The following TSC2 variants were observed in gnomAD, a reference collection of about 807,000 sequenced individuals.
TSC2 encodes the protein TSC complex subunit 2, also known as tuberin.
Under a neutral mutation model 202.2 loss-of-function variants are expected in TSC2, and 29 were observed. That is an observed-to-expected ratio of 0.14 (90% CI 0.11 to 0.20). The LOEUF (loss-of-function observed/expected upper bound fraction) is 0.20, where lower values mean the gene tolerates loss of function less well. Among genes scored for constraint, TSC2 ranks in the 10% least tolerant of loss-of-function variants. TSC2 has a pLI of 1.00. For missense variants in TSC2, 2,429 were observed against 2,420.0 expected, an observed-to-expected ratio of 1.00 and a Z score of -0.08; for synonymous variants, 1,349 against 1,044.0, an observed-to-expected ratio of 1.29 and a Z score of -5.63.
At chr16:2,087,165 T>C in intron 38 of TSC2, 1 of 479,104 alleles carries the variant, frequency 2.1e-6, no homozygotes, top group Non-Finnish European at 3.9e-6. Context: ...GGCGCGGCCC[T>C]TGGGCCCCCA....
At chr16:2,049,726 TGA>T (rs1418808938) in intron 2 of TSC2, among the ~76,000 whole-genome samples, 2 of 151,352 alleles carry the variant, frequency 1.3e-5, no homozygotes, top group African/African-American at 4.8e-5. Flanking sequence ...CTCGGGGGGC[TGA>T]GACGAGAATT....
At chr16:2,084,190 C>G in intron 33 of TSC2, 38 bp from the exon 34 acceptor site, 1 of 1,554,790 alleles carries the variant, frequency 6.4e-7, no homozygotes, top group Non-Finnish European at 8.7e-7. Flanking sequence ...TCGAGGGTGC[C>G]TGCTGACAGG....
In TSC2 at chr16:2,061,803, G is replaced by A. The variant is rs975534121; in HGVS notation, c.1120-68G>A. The stretch of plus-strand genomic sequence containing the variant: ...TGTCTCCATGCGGTGGGTGTGTAGC[G>A]AGGCCTCTGGTGCCAAGTCCATGTG... On this transcript the variant is annotated intron_variant, in intron 11 of 41. Coordinates refer to ENST00000219476, the MANE Select transcript of TSC2 (RefSeq NM_000548.5). 3.7e-5 allele frequency: 59 copies of A among 1,612,296 alleles called. No homozygotes were observed. In the South Asian group the frequency reaches 3.7e-4, roughly 10 times the overall value.
At position 2,072,748 on chromosome 16, in the gene TSC2, C is replaced by G. The variant is rs191384867; in HGVS notation, c.2221-101C>G. 1.9e-6 allele frequency: 3 copies of G among 1,593,572 alleles called. No homozygotes were observed. The Admixed American group carries it at 5.0e-5, about 27-fold the overall frequency. On this transcript the variant is annotated intron_variant, in intron 20 of 41. Coordinates refer to ENST00000219476, the MANE Select transcript of TSC2 (RefSeq NM_000548.5). Reference sequence around the variant, plus strand: ...CAAGAAGGCTCCCCAGCCCCTTTGCCCCCTTTCCTGGGCCTGCGTTCCCAG... The same window carrying G: ...CAAGAAGGCTCCCCAGCCCCTTTGCGCCCTTTCCTGGGCCTGCGTTCCCAG...
chr16:2,079,792 G>A lies in TSC2; in HGVS notation c.3397+123G>A, dbSNP rs1049061657. The A allele has an allele frequency of 1.1e-5, 11 of 960,282 alleles. No homozygotes were observed. Among genetic ancestry groups the A allele is most frequent in the African/African-American group, 9.8e-5 (6 of 60,980 alleles). The allele number at this position is 960,282 out of a possible 1,614,324, so 59.5% of individuals were successfully genotyped here. Reference sequence around the variant, plus strand: ...GTGGCTGGCTTCAGGCCCGGCCCACGTCCTGACTCTGGGGTGAGCCTTCCA... The same window carrying A: ...GTGGCTGGCTTCAGGCCCGGCCCACATCCTGACTCTGGGGTGAGCCTTCCA... On this transcript the variant is annotated intron_variant, in intron 29 of 41. Transcript: ENST00000219476. The surrounding 1 kb of genome is among the most constrained non-coding windows in gnomAD (Gnocchi z 4.6).
rs1166291219 is a variant in TSC2 at position 2,053,375 on chromosome 16, G to A, written c.259G>A (p.Asp87Asn). ...AVEALWKAVA[D>N]LLQPERPLEA... Reference sequence around the variant, plus strand: ...GGAAGCACTCTGGAAGGCGGTCGCGGATCTGTTGCAGCCGGAGCGGCCGCT... The same window carrying A: ...GGAAGCACTCTGGAAGGCGGTCGCGAATCTGTTGCAGCCGGAGCGGCCGCT... The change falls in exon 4 of 42, where the codon GAT becomes AAT. Residue 87 changes from aspartate to asparagine, a missense_variant. Coordinates refer to ENST00000219476, the MANE Select transcript of TSC2 (RefSeq NM_000548.5). 1 of 1,591,852 alleles carries A rather than the reference G, an allele frequency of 6.3e-7. No homozygotes were observed.
rs775534948 is a variant in TSC2 at position 2,088,222 on chromosome 16, C to A, written c.5161-5C>A. The A allele has an allele frequency of 3.7e-6, 6 of 1,613,046 alleles. No individual in the cohort carries two copies. In the African/African-American group the frequency reaches 8.0e-5, roughly 22 times the overall value. On this transcript the variant is annotated splice_region_variant and splice_polypyrimidine_tract_variant and intron_variant, in intron 40 of 41. Coordinates refer to ENST00000219476, the MANE Select transcript of TSC2 (RefSeq NM_000548.5). Reference sequence around the variant, plus strand: ...AGTGAGCTCACCCCCTGCCTACGTCCCCAGATGGCCTCACAGGTGCATCAT... The same window carrying A: ...AGTGAGCTCACCCCCTGCCTACGTCACCAGATGGCCTCACAGGTGCATCAT...
At chr16:2,086,143 A>G (rs772790897) in intron 36 of TSC2, 50 bp from the exon 37 acceptor site, 2 of 1,605,854 alleles carry the variant, frequency 1.2e-6, no homozygotes, top group Admixed American at 1.7e-5. Flanking sequence ...TCTGCGGGGC[A>G]GGGCCCGGCC....
intron 36 of TSC2, among the ~76,000 whole-genome samples, chr16:2,085,729 C>T (rs1017055288): frequency 1.3e-5 from 2 of 152,192 alleles, no homozygotes; most frequent in African/African-American, 2.4e-5. Context: ...TGGGCGAGCA[C>T]GGGAGCCGAC....
chr16:2,075,683 G>A (rs2089226031), intron 22 of TSC2, 116 bp from the exon 23 acceptor site: 24 of 1,100,804 alleles, frequency 2.2e-5, no homozygotes, highest in Admixed American at 3.9e-5. Context: ...CCGTGTGGCC[G>A]TGGCCTTCTC....
rs1408859550 is a variant in TSC2, at chr16:2,079,713, C to A, written c.3397+44C>A. 2 of 1,530,894 alleles carry A rather than the reference C, an allele frequency of 1.3e-6. No individual in the cohort carries two copies. Among genetic ancestry groups the A allele is most frequent in the Admixed American group, 2.0e-5 (1 of 51,006 alleles). 94.8% of individuals were successfully genotyped at this position (1,530,894 alleles called of 1,614,324 possible). On this transcript the variant is annotated intron_variant, in intron 29 of 41. Transcript: ENST00000219476. The surrounding 1 kb of genome is among the most constrained non-coding windows in gnomAD (Gnocchi z 4.6). ...CACCTCCACACAGGCACCGGGGCTC[C>A]CTCAGTTGCTGCTGGTCCCAGTGTT...
intron 10 of TSC2, 40 bp from the exon 11 acceptor site, chr16:2,060,630 G>C: frequency 6.2e-6 from 10 of 1,613,598 alleles, no homozygotes; most frequent in Non-Finnish European, 8.5e-6. Context: ...CAGCAAGCAA[G>C]CAGCTCTGAC....
chr16:2,075,931 GC>G (rs1418828156), intron 23 of TSC2, 39 bp downstream of exon 23: 3 of 1,612,604 alleles, frequency 1.9e-6, no homozygotes, highest in South Asian at 1.1e-5. Flanking sequence ...CCCAGCCGTG[GC>G]CCCCGCTAGG....
At chr16:2,080,043 C>A in intron 29 of TSC2, 122 bp from the exon 30 acceptor site, 4 of 1,353,546 alleles carry the variant, frequency 3.0e-6, no homozygotes, top group South Asian at 1.2e-5. Flanking sequence ...AAGGGCAGAG[C>A]TGCCACCGTC....
At chr16:2,071,467 T>G in intron 17 of TSC2, 43 bp from the exon 18 acceptor site, 1 of 1,609,864 alleles carries the variant, frequency 6.2e-7, no homozygotes, top group African/African-American at 1.3e-5. Flanking sequence ...GTCCTGGGCC[T>G]GCACGAGCTT....
chr16:2,064,140 C>G (rs1053779515), intron 14 of TSC2, 132 bp from the exon 15 acceptor site: 5 of 1,452,758 alleles, frequency 3.4e-6, no homozygotes, highest in African/African-American at 1.4e-5. Context: ...TGCTTGTGCT[C>G]TCTGCCCAGC....
At chr16:2,084,853 T>C in intron 34 of TSC2, 98 bp from the exon 35 acceptor site, 2 of 1,601,482 alleles carry the variant, frequency 1.2e-6, no homozygotes, top group African/African-American at 1.3e-5. Flanking sequence ...GGGAGGGCGG[T>C]GGAGTGGGAG....
At chr16:2,070,740 G>C (rs2088187127) in intron 17 of TSC2, among the ~76,000 whole-genome samples, 162 bp downstream of exon 17, 1 of 152,216 alleles carries the variant, frequency 6.6e-6, no homozygotes, top group African/African-American at 2.4e-5. Context: ...CCCAGTCCTG[G>C]TGTCCTTCCC....
At chr16:2,056,168 CCGG>C in intron 6 of TSC2, 25 bp from the exon 7 acceptor site, 1 of 1,613,432 alleles carries the variant, frequency 6.2e-7, no homozygotes, top group South Asian at 1.1e-5. Context: ...GGCAGTGCTG[CCGG>C]GACTGAGCTC....
Sources: allele counts gnomAD v4.1 joint callset (sites outside exome capture counted in the v4.1 genomes callset), GRCh38; gene constraint gnomAD v4.1.1; non-coding constraint Gnocchi (gnomAD v3.1); transcripts MANE v1.5; gene names NCBI Gene and HGNC (gene_info 2026-07-23, HGNC 2026-07-21).